The following TMEM132C variants were observed in gnomAD, a reference collection of about 807,000 sequenced individuals.
The protein encoded by TMEM132C is protein phosphatase 1, regulatory subunit 152.
A neutral mutation model predicts 61.4 loss-of-function variants in TMEM132C; 29 were observed. The observed-to-expected ratio is 0.47, with a 90% CI of 0.35 to 0.64. TMEM132C has a LOEUF of 0.64. TMEM132C is among the 30% of genes least tolerant of loss of function. The pLI is 0.00. For missense variants in TMEM132C, 1,408 were observed against 1,476.9 expected, an observed-to-expected ratio of 0.95 and a Z score of 0.76; for synonymous variants, 656 against 633.1, an observed-to-expected ratio of 1.04 and a Z score of -0.54.
At chr12:128,555,638 T>C (rs1451234594) in intron 3 of TMEM132C, among the ~76,000 whole-genome samples, 1 of 152,194 alleles carries the variant, frequency 6.6e-6, no homozygotes. Context: ...TTTGGCTTCC[T>C]GGACTCCATA....
chr12:128,673,865 G>T (rs77677797), intron 5 of TMEM132C, among the ~76,000 whole-genome samples: 375 of 152,322 alleles, frequency 2.5e-3, no homozygotes, highest in Middle Eastern at 0.01. Context: ...CTAGTAGCCA[G>T]CATATAGTAA....
At chr12:128,298,041 G>A (rs779080452) in intron 1 of TMEM132C, among the ~76,000 whole-genome samples, 1 of 152,142 alleles carries the variant, frequency 6.6e-6, no homozygotes, top group Non-Finnish European at 1.5e-5. Flanking sequence ...ATCTCACCCC[G>A]CCTTTAGCTA....
intron 3 of TMEM132C, among the ~76,000 whole-genome samples, chr12:128,591,533 T>C (rs1875749463): frequency 6.6e-6 from 1 of 152,208 alleles, no homozygotes; most frequent in African/African-American, 2.4e-5. Flanking sequence ...TGGGCTTTTA[T>C]GAATAAATGC....
In TMEM132C at chr12:128,415,154, C is replaced by G. The variant is rs1330722937; in HGVS notation, c.508C>G (p.Leu170Val). The G allele has an allele frequency of 1.2e-6, 2 of 1,611,022 alleles. No homozygotes were observed. Among genetic ancestry groups the G allele is most frequent in the South Asian group, 2.2e-5 (2 of 90,374 alleles). ...DHGAGEKLPC[L>V]RVFAFRETRE... ...CGGCGCCGGGGAGAAGCTGCCATGC[C>G]TGAGGGTCTTTGCTTTCCGAGAAAC... The change falls in exon 2 of 9, where the codon CTG (leucine) becomes GTG (valine). Residue 170 changes from leucine (L) to valine (V), a missense_variant. Transcript: ENST00000435159. The surrounding 1 kb of genome is among the most constrained non-coding windows in gnomAD (Gnocchi z 5.8).
At chr12:128,701,480 GCTA>G (rs1954803289) in intron 8 of TMEM132C, among the ~76,000 whole-genome samples, 2 of 152,182 alleles carry the variant, frequency 1.3e-5, no homozygotes, top group Admixed American at 1.3e-4. Flanking sequence ...TGGATCTTCA[GCTA>G]CAGCTACATG....
chr12:128,497,141 A>T (rs1484726775), intron 2 of TMEM132C, among the ~76,000 whole-genome samples: 2 of 152,216 alleles, frequency 1.3e-5, no homozygotes, highest in East Asian at 3.9e-4. Flanking sequence ...TGGCTGCAGA[A>T]CAGCGAATAT....
intron 2 of TMEM132C, among the ~76,000 whole-genome samples, chr12:128,529,320 CTAG>C (rs1873200980): frequency 6.6e-6 from 1 of 151,950 alleles, no homozygotes; most frequent in Non-Finnish European, 1.5e-5. Flanking sequence ...GATCTAACAG[CTAG>C]TTTAAAGGAA....
chr12:128,619,536 G>A (rs995027938), intron 4 of TMEM132C, among the ~76,000 whole-genome samples: 1 of 152,180 alleles, frequency 6.6e-6, no homozygotes, highest in African/African-American at 2.4e-5. Flanking sequence ...CAAGGCCACC[G>A]TTTTGCTCGT....
At chr12:128,277,164 G>C (rs1870721848) in intron 1 of TMEM132C, among the ~76,000 whole-genome samples, 3 of 152,142 alleles carry the variant, frequency 2.0e-5, no homozygotes, top group Admixed American at 1.3e-4. Context: ...GATTCCTCTA[G>C]TTACAAATGC....
At chr12:128,695,468 G>A (rs1954752905) in intron 6 of TMEM132C, among the ~76,000 whole-genome samples, 3 of 152,078 alleles carry the variant, frequency 2.0e-5, no homozygotes, top group Admixed American at 2.0e-4. Context: ...AGGCTGCATT[G>A]AGCTAGGATG....
At chr12:128,509,371 G>T (rs2136116709) in intron 2 of TMEM132C, among the ~76,000 whole-genome samples, 1 of 152,254 alleles carries the variant, frequency 6.6e-6, no homozygotes, top group Middle Eastern at 3.4e-3. Flanking sequence ...CACATTCTTT[G>T]GAGGCTTTGG....
intron 2 of TMEM132C, among the ~76,000 whole-genome samples, chr12:128,449,089 A>T (rs1394571270): frequency 2.1e-5 from 3 of 145,442 alleles, no homozygotes; most frequent in African/African-American, 5.2e-5. Flanking sequence ...GTGAGCCGAG[A>T]TCACGCCACT....
intron 5 of TMEM132C, among the ~76,000 whole-genome samples, chr12:128,682,059 G>C (rs1954639805): frequency 6.6e-6 from 1 of 152,120 alleles, no homozygotes; most frequent in Admixed American, 6.5e-5. Flanking sequence ...GGTCTCCTCT[G>C]ATTGCTCCCG....
intron 4 of TMEM132C, among the ~76,000 whole-genome samples, chr12:128,649,230 C>T (rs535316104): frequency 3.7e-4 from 57 of 152,304 alleles, no homozygotes; most frequent in African/African-American, 1.0e-3. Context: ...ATGCAAAGTG[C>T]GGTGCAGGTC....
chr12:128,352,860 TGA>T (rs750076397), intron 1 of TMEM132C, among the ~76,000 whole-genome samples: 1 of 152,066 alleles, frequency 6.6e-6, no homozygotes, highest in Non-Finnish European at 1.5e-5. Context: ...ATGTTTCTGG[TGA>T]GAGAGGAATT....
At chr12:128,311,099 G>A (rs11059642) in intron 1 of TMEM132C, among the ~76,000 whole-genome samples, 41,910 of 152,082 alleles carry the variant, frequency 0.28, 6,241 homozygotes, top group East Asian at 0.45. Flanking sequence ...TTATTCTTAC[G>A]AATACTAGTT....
intron 1 of TMEM132C, among the ~76,000 whole-genome samples, chr12:128,310,587 T>G (rs1342484127): frequency 1.3e-5 from 2 of 151,632 alleles, no homozygotes; most frequent in African/African-American, 4.8e-5. Context: ...GAACTCAGAG[T>G]GAGAACCTGT....
At chr12:128,472,880 G>T (rs1391423162) in intron 2 of TMEM132C, among the ~76,000 whole-genome samples, 1 of 152,178 alleles carries the variant, frequency 6.6e-6, no homozygotes, top group East Asian at 1.9e-4. Context: ...ACATATATAT[G>T]AAGTCTGGCA....
intron 1 of TMEM132C, among the ~76,000 whole-genome samples, chr12:128,276,960 T>A (rs1566039222): frequency 6.6e-6 from 1 of 151,956 alleles, no homozygotes; most frequent in Non-Finnish European, 1.5e-5. Context: ...TACAGCTTAG[T>A]GATGATTTTA....
Sources: allele counts gnomAD v4.1 joint callset (sites outside exome capture counted in the v4.1 genomes callset), GRCh38; gene constraint gnomAD v4.1.1; non-coding constraint Gnocchi (gnomAD v3.1); transcripts MANE v1.5; gene names NCBI Gene and HGNC (gene_info 2026-07-23, HGNC 2026-07-21).